The following GALNT18 variants were observed in gnomAD, a reference collection of about 807,000 sequenced individuals.
GALNT18 encodes GalNAc-transferase 18.
In GALNT18, 44 loss-of-function variants were observed where a neutral mutation model predicts 69.5. That is an observed-to-expected ratio of 0.63 (90% CI 0.50 to 0.81). The LOEUF is 0.81. GALNT18 is among the 40% of genes least tolerant of loss of function. The probability of loss-of-function intolerance (pLI) is 0.00; values close to 1 mark genes in which losing one functional copy is unlikely to be tolerated. For synonymous variants in GALNT18, 364 were observed against 318.2 expected (o/e 1.14, Z -1.53); for missense variants, 715 against 810.0 (o/e 0.88, Z 1.42).
At position 11,465,209 on chromosome 11, in the gene GALNT18, G is replaced by T. The variant is rs1028780444; in HGVS notation, c.236-16273C>A. 6.6e-6 allele frequency among the ~76,000 whole-genome samples: 1 copy of T among 152,166 alleles called. No individual in the cohort carries two copies. Among genetic ancestry groups the T allele is most frequent in the African/African-American group, 2.4e-5 (1 of 41,432 alleles). ...TCAGCCCCATTCCTGCTGAGGTCAGGGGAGGAAGGGATGTCAAGGAGGCCA... is the reference window on the plus strand; with the variant it reads ...TCAGCCCCATTCCTGCTGAGGTCAGTGGAGGAAGGGATGTCAAGGAGGCCA... On this transcript the variant is annotated intron_variant, in intron 1 of 10. Transcript: ENST00000227756. This position sits in a 1 kb window ranked among gnomAD's most constrained non-coding sequence, Gnocchi z 5.7.
rs143398908 is a variant in GALNT18 at position 11,600,419 on chromosome 11, T to C, written c.235+20940A>G. Among the ~76,000 whole-genome samples, 7 of 152,146 alleles carry C rather than the reference T, an allele frequency of 4.6e-5. No homozygotes were observed. The highest frequency in any genetic ancestry group is 1.7e-4 in the African/African-American group (7 of 41,476). On this transcript the variant is annotated intron_variant, in intron 1 of 10. Transcript: ENST00000227756. The surrounding 1 kb of genome is among the most constrained non-coding windows in gnomAD (Gnocchi z 4.8). ...TTTGAAGAATAGTTTTGCTGTGTAA[T>C]GATTCTTGGTTAACTTTTTTTTCTT...
chr11:11,493,028 C>T lies in GALNT18; in HGVS notation c.236-44092G>A, dbSNP rs191610619. Among the ~76,000 whole-genome samples, 1,027 of 151,940 alleles carry T rather than the reference C, an allele frequency of 6.8e-3. 2 individuals are homozygous for T. Among genetic ancestry groups the T allele is most frequent in the Non-Finnish European group, 0.012 (803 of 67,948 alleles). ...CTGTAATCCCAGCACTTTGGGAGGCCGAGGCAGGCAGATCACAAGGTCAGG... is the reference window on the plus strand; with the variant it reads ...CTGTAATCCCAGCACTTTGGGAGGCTGAGGCAGGCAGATCACAAGGTCAGG... On this transcript the variant is annotated intron_variant, in intron 1 of 10. Coordinates refer to ENST00000227756, the MANE Select transcript of GALNT18 (RefSeq NM_198516.3).
At position 11,562,022 on chromosome 11, in the gene GALNT18, C is replaced by T. The variant is rs188944144; in HGVS notation, c.235+59337G>A. ...AGGGCAGGGCTCTAGCCAGGCCTTC[C>T]GAGCACTCCATAAACCACACTCCTA... On this transcript the variant is annotated intron_variant, in intron 1 of 10. Transcript: ENST00000227756. The surrounding 1 kb of genome is among the most constrained non-coding windows in gnomAD (Gnocchi z 4.1). Among the ~76,000 whole-genome samples the T allele has an allele frequency of 5.3e-4, 81 of 152,344 alleles. 1 individual carries two copies. Among genetic ancestry groups the T allele is most frequent in the Non-Finnish European group, 8.2e-4 (56 of 68,032 alleles).
intron 1 of GALNT18, among the ~76,000 whole-genome samples, chr11:11,482,232 G>A (rs982212108): frequency 1.3e-5 from 2 of 152,228 alleles, no homozygotes; most frequent in African/African-American, 2.4e-5. Flanking sequence ...AAGCCCATGT[G>A]CAGTCGGAGG....
rs1325409805 is a variant in GALNT18, at chr11:11,435,870, T to C, written c.429-3083A>G. Among the ~76,000 whole-genome samples the C allele has an allele frequency of 6.6e-6, 1 of 152,176 alleles. No individual in the cohort carries two copies. The highest frequency in any genetic ancestry group is 2.4e-5 in the African/African-American group (1 of 41,450). On this transcript the variant is annotated intron_variant, in intron 2 of 10. Coordinates refer to ENST00000227756, the MANE Select transcript of GALNT18 (RefSeq NM_198516.3). This position sits in a 1 kb window ranked among gnomAD's most constrained non-coding sequence, Gnocchi z 4.4. ...TGGCCCCAATTCCTCACATTCGCAG[T>C]CTCCAGAAGTGCTCAGTTTCTTTAC...
intron 1 of GALNT18, among the ~76,000 whole-genome samples, chr11:11,473,280 T>A (rs904238514): frequency 6.6e-6 from 1 of 152,158 alleles, no homozygotes; most frequent in African/African-American, 2.4e-5. Flanking sequence ...TTTGGATGAG[T>A]GAAAATGTAT....
intron 9 of GALNT18, among the ~76,000 whole-genome samples, chr11:11,303,244 A>C (rs1849526943): frequency 6.6e-6 from 1 of 151,936 alleles, no homozygotes; most frequent in African/African-American, 2.4e-5. Flanking sequence ...CAAATAACAC[A>C]TCCTTCTTGC....
At position 11,600,351 on chromosome 11, in the gene GALNT18, G is replaced by C. The variant is rs1380073326; in HGVS notation, c.235+21008C>G. 6.6e-6 allele frequency among the ~76,000 whole-genome samples: 1 copy of C among 151,904 alleles called. No homozygotes were observed. Among genetic ancestry groups the C allele is most frequent in the Non-Finnish European group, 1.5e-5 (1 of 67,904 alleles). ...CAACAAATTCTGTTTTTGTTTTTCT[G>C]GTAATGACTTTATTTTGTATTCATT... On this transcript the variant is annotated intron_variant, in intron 1 of 10. Transcript: ENST00000227756. The surrounding 1 kb of genome is among the most constrained non-coding windows in gnomAD (Gnocchi z 4.8).
intron 6 of GALNT18, chr11:11,352,443 A>C: frequency 6.2e-7 from 1 of 1,614,186 alleles, no homozygotes; most frequent in Non-Finnish European, 8.5e-7. Flanking sequence ...CTTCCGAAAG[A>C]TCATACTTGC....
intron 9 of GALNT18, among the ~76,000 whole-genome samples, chr11:11,325,796 T>C (rs1280846488): frequency 1.3e-5 from 2 of 152,154 alleles, no homozygotes; most frequent in African/African-American, 4.8e-5. Flanking sequence ...TACTGGGTTG[T>C]GTGAGCACAA....
chr11:11,510,393 C>T (rs924219005), intron 1 of GALNT18, among the ~76,000 whole-genome samples: 1 of 152,152 alleles, frequency 6.6e-6, no homozygotes, highest in Non-Finnish European at 1.5e-5. Flanking sequence ...TACCCTGGGT[C>T]GTCTCTGTGA....
rs999849911 is a variant in GALNT18, at chr11:11,315,354, A to G, written c.1512+11732T>C. Among the ~76,000 whole-genome samples the G allele has an allele frequency of 3.9e-5, 6 of 152,106 alleles. No individual in the cohort carries two copies. Among genetic ancestry groups the G allele is most frequent in the Non-Finnish European group, 8.8e-5 (6 of 67,990 alleles). On this transcript the variant is annotated intron_variant, in intron 9 of 10. Coordinates refer to ENST00000227756, the MANE Select transcript of GALNT18 (RefSeq NM_198516.3). This position sits in a 1 kb window ranked among gnomAD's most constrained non-coding sequence, Gnocchi z 5.6. Reference sequence around the variant, plus strand: ...GACTGCAGGCTGGATTAATGAAACAACTCACTCCATCATCACTTACCAATG... The same window carrying G: ...GACTGCAGGCTGGATTAATGAAACAGCTCACTCCATCATCACTTACCAATG...
At position 11,579,413 on chromosome 11, in the gene GALNT18, G is replaced by A. The variant is rs749936421; in HGVS notation, c.235+41946C>T. Among the ~76,000 whole-genome samples, 10 of 152,290 alleles carry A rather than the reference G, an allele frequency of 6.6e-5. No individual in the cohort carries two copies. The East Asian group carries it at 1.4e-3, about 21-fold the overall frequency. ...CTTCAGGTAGTGATTTTCAAATTCC[G>A]TCATTTAATGTGTGTCCAAATAAAC... On this transcript the variant is annotated intron_variant, in intron 1 of 10. Coordinates refer to ENST00000227756, the MANE Select transcript of GALNT18 (RefSeq NM_198516.3).
chr11:11,348,150 G>T (rs11021814), intron 6 of GALNT18, among the ~76,000 whole-genome samples: 57,755 of 151,920 alleles, frequency 0.38, 13,761 homozygotes, highest in Non-Finnish European at 0.54. Context: ...GGCTGAGGCA[G>T]GTGGATTACC....
chr11:11,447,167 C>T (rs1159617347), intron 2 of GALNT18, among the ~76,000 whole-genome samples: 1 of 152,184 alleles, frequency 6.6e-6, no homozygotes, highest in Non-Finnish European at 1.5e-5. Context: ...CGTGCTTCTG[C>T]CTCAGGGCCT....
intron 1 of GALNT18, among the ~76,000 whole-genome samples, chr11:11,575,880 G>A (rs569921859): frequency 2.6e-5 from 4 of 152,320 alleles, no homozygotes; most frequent in South Asian, 2.1e-4. Flanking sequence ...CTTTGAGGAC[G>A]AAATGCGACA....
rs1391797963 is a variant in GALNT18 at position 11,496,621 on chromosome 11, G to A, written c.236-47685C>T. On this transcript the variant is annotated intron_variant, in intron 1 of 10. Transcript: ENST00000227756. This position sits in a 1 kb window ranked among gnomAD's most constrained non-coding sequence, Gnocchi z 4.0. ...GAAGTAGATGAAGGGCTACCACACA[G>A]AGGGTGGGAAGAAGGAAAGACTGCA... Among the ~76,000 whole-genome samples, 4 of 152,216 alleles carry A rather than the reference G, an allele frequency of 2.6e-5. No individual in the cohort carries two copies. In the East Asian group the frequency reaches 7.7e-4, roughly 29 times the overall value.
chr11:11,313,880 CA>C (rs1413988738), intron 9 of GALNT18, among the ~76,000 whole-genome samples: 1 of 152,194 alleles, frequency 6.6e-6, no homozygotes, highest in African/African-American at 2.4e-5. Context: ...GCAACAAATG[CA>C]AGCTACCTTT....
At position 11,601,046 on chromosome 11, in the gene GALNT18, C is replaced by T. The variant is rs1859621872; in HGVS notation, c.235+20313G>A. 6.6e-6 allele frequency among the ~76,000 whole-genome samples: 1 copy of T among 151,934 alleles called. No individual in the cohort carries two copies. Among genetic ancestry groups the T allele is most frequent in the African/African-American group, 2.4e-5 (1 of 41,366 alleles). On this transcript the variant is annotated intron_variant, in intron 1 of 10. Transcript: ENST00000227756. This position sits in a 1 kb window ranked among gnomAD's most constrained non-coding sequence, Gnocchi z 4.0. ...CTATTGGTAAGACATTTTCATGATG[C>T]CTTTAATTTTTTCAGCATAGTTTCC...
Sources: allele counts gnomAD v4.1 joint callset (sites outside exome capture counted in the v4.1 genomes callset), GRCh38; gene constraint gnomAD v4.1.1; non-coding constraint Gnocchi (gnomAD v3.1); transcripts MANE v1.5; gene names NCBI Gene and HGNC (gene_info 2026-07-23, HGNC 2026-07-21).